PMS1: variants seen among roughly 807,000 people sequenced by gnomAD.
The protein encoded by PMS1 is PMS1 homolog 1, mismatch repair system component.
Under a neutral mutation model 93.1 loss-of-function variants are expected in PMS1, and 79 were observed. The ratio of observed to expected loss-of-function variants is 0.85; its 90% CI spans 0.71 to 1.02. The LOEUF is 1.02. Ranked by LOEUF, PMS1 falls within the 50% of genes least tolerant of loss-of-function variation. The probability of loss-of-function intolerance (pLI) is 0.00; values close to 1 mark genes in which losing one functional copy is unlikely to be tolerated. For missense variants in PMS1, 1,064 were observed against 1,085.3 expected (o/e 0.98, Z 0.28); for synonymous variants, 335 against 363.4 (o/e 0.92, Z 0.89).
intron 5 of PMS1, among the ~76,000 whole-genome samples, chr2:189,827,944 G>A (rs1197071233): frequency 6.9e-6 from 1 of 145,080 alleles, no homozygotes; most frequent in African/African-American, 2.7e-5. Flanking sequence ...GTTTGTTTGA[G>A]ACAGAGTCTT....
intron 9 of PMS1, chr2:189,855,846 C>A: frequency 9.3e-7 from 1 of 1,080,664 alleles, no homozygotes; most frequent in South Asian, 1.9e-5. Context: ...AATATAAACA[C>A]AAAATATTAT....
At chr2:189,787,081 T>TGA (rs2048417515) in intron 1 of PMS1, among the ~76,000 whole-genome samples, 2 of 152,082 alleles carry the variant, frequency 1.3e-5, no homozygotes, top group African/African-American at 4.8e-5. Context: ...AAGAGAAAGA[T>TGA]TCTCTGATCA....
chr2:189,861,095 CCTGTTTT>C (rs1033474039), intron 9 of PMS1, among the ~76,000 whole-genome samples: 1 of 151,698 alleles, frequency 6.6e-6, no homozygotes, highest in Non-Finnish European at 1.5e-5. Context: ...CTGCCATTTT[CCTGTTTT>C]CTGTTTGTCC....
intron 5 of PMS1, among the ~76,000 whole-genome samples, chr2:189,819,359 G>A (rs973304141): frequency 2.0e-5 from 3 of 152,092 alleles, no homozygotes; most frequent in African/African-American, 4.8e-5. Flanking sequence ...GAGCACAGGC[G>A]TCCTTCTGGT....
At chr2:189,862,078 C>A (rs1223929488) in intron 9 of PMS1, among the ~76,000 whole-genome samples, 1 of 152,024 alleles carries the variant, frequency 6.6e-6, no homozygotes, top group East Asian at 1.9e-4. Flanking sequence ...TATTTTCTTT[C>A]CCAGTTTTCC....
chr2:189,849,300 G>A (rs2054502646), intron 6 of PMS1, among the ~76,000 whole-genome samples: 2 of 152,046 alleles, frequency 1.3e-5, no homozygotes, highest in African/African-American at 4.8e-5. Context: ...TTTATGCTAA[G>A]TTCTGAATAA....
In PMS1 at chr2:189,855,195, T is replaced by C. The variant is rs567645782; in HGVS notation, c.1856+67T>C. Reference sequence around the variant, plus strand: ...TTTCCATTCTATATGACTCACTGTTTAAAAAGAATTTTTTTCACTTCTTAT... The same window carrying C: ...TTTCCATTCTATATGACTCACTGTTCAAAAAGAATTTTTTTCACTTCTTAT... On this transcript the variant is annotated intron_variant, in intron 9 of 12. Coordinates refer to ENST00000441310, the MANE Select transcript of PMS1 (RefSeq NM_000534.5). 1.3e-5 allele frequency: 17 copies of C among 1,351,394 alleles called. No homozygotes were observed. The South Asian group carries it at 2.0e-4, about 16-fold the overall frequency. The allele number at this position is 1,351,394 out of a possible 1,614,324, so 83.7% of individuals were successfully genotyped here.
At chr2:189,825,786 C>G (rs1025009659) in intron 5 of PMS1, among the ~76,000 whole-genome samples, 3 of 152,186 alleles carry the variant, frequency 2.0e-5, no homozygotes, top group Non-Finnish European at 4.4e-5. Flanking sequence ...CCTATTCCCA[C>G]TTCTATATCA....
intron 9 of PMS1, among the ~76,000 whole-genome samples, chr2:189,862,368 T>C (rs896551259): frequency 1.3e-5 from 2 of 152,168 alleles, no homozygotes; most frequent in Admixed American, 1.3e-4. Context: ...GATTCCCCCT[T>C]CTATTTTCTC....
intron 5 of PMS1, among the ~76,000 whole-genome samples, chr2:189,819,578 C>T (rs906305562): frequency 6.6e-6 from 1 of 152,270 alleles, no homozygotes; most frequent in South Asian, 2.1e-4. Flanking sequence ...GCCATTCTGA[C>T]TAAGGCAAGA....
chr2:189,859,894 G>A lies in PMS1; in HGVS notation c.1857-3849G>A, dbSNP rs548108845. 5.5e-4 allele frequency among the ~76,000 whole-genome samples: 83 copies of A among 152,162 alleles called. 1 individual carries two copies. Among genetic ancestry groups the A allele is most frequent in the Non-Finnish European group, 8.7e-4 (59 of 68,016 alleles). ...TATTGTAGTGACTATAATTTCACTA[G>A]CAGTTACCAAATGAAGTATTATATA... On this transcript the variant is annotated intron_variant, in intron 9 of 12. Coordinates refer to ENST00000441310, the MANE Select transcript of PMS1 (RefSeq NM_000534.5).
chr2:189,814,210 C>A (rs1255823381), intron 4 of PMS1, among the ~76,000 whole-genome samples: 1 of 151,716 alleles, frequency 6.6e-6, no homozygotes, highest in Admixed American at 6.6e-5. Context: ...GTGTTCTCAC[C>A]ATGTTAGAAC....
chr2:189,825,685 C>A (rs1452902729), intron 5 of PMS1, among the ~76,000 whole-genome samples: 1 of 152,140 alleles, frequency 6.6e-6, no homozygotes, highest in Non-Finnish European at 1.5e-5. Flanking sequence ...TAGAGGCCCA[C>A]TGGTATTGCA....
chr2:189,831,981 T>G (rs1319215247), intron 5 of PMS1, among the ~76,000 whole-genome samples: 2 of 152,104 alleles, frequency 1.3e-5, no homozygotes, highest in South Asian at 4.1e-4. Context: ...TCCTCCCGCC[T>G]CGGCCTCCCA....
chr2:189,862,388 AT>A (rs1427924283), intron 9 of PMS1, among the ~76,000 whole-genome samples: 27 of 152,096 alleles, frequency 1.8e-4, no homozygotes, highest in African/African-American at 6.3e-4. Flanking sequence ...CATTATGATA[AT>A]CTTTTAAGAC....
intron 9 of PMS1, among the ~76,000 whole-genome samples, chr2:189,856,947 A>G (rs1295827544): frequency 2.0e-5 from 3 of 152,116 alleles, no homozygotes; most frequent in Non-Finnish European, 2.9e-5. Context: ...TCTGGAATCA[A>G]GCTTACTTTC....
intron 5 of PMS1, among the ~76,000 whole-genome samples, chr2:189,835,906 C>CAAAAAAAA: frequency 1.1e-5 from 1 of 87,014 alleles, no homozygotes; most frequent in Admixed American, 1.2e-4. Flanking sequence ...TAGCCTGTCT[C>CAAAAAAAA]AAAAAAAAAA....
chr2:189,795,872 A>C lies in PMS1; in HGVS notation c.236A>C (p.Asn79Thr). The C allele has an allele frequency of 6.2e-7, 1 of 1,613,572 alleles. No homozygotes were observed. The highest frequency in any genetic ancestry group is 8.5e-7 in the Non-Finnish European group (1 of 1,179,494). Residue 79 changes from asparagine (N) to threonine (T), a missense_variant, in exon 3 of 13, where the codon AAT becomes ACT. Coordinates refer to ENST00000441310, the MANE Select transcript of PMS1 (RefSeq NM_000534.5). ...MAMKYYTSKI[N>T]SHEDLENLTT... ...ATGAAGTACTACACCTCAAAAATAA[A>C]TAGTCATGAAGATCTTGAAAATTTG... is the stretch of plus-strand genomic sequence containing the variant.
In PMS1 at chr2:189,874,523, C is replaced by T. The variant is rs5743191; in HGVS notation, c.2634+867C>T. Among the ~76,000 whole-genome samples, 1,487 of 152,206 alleles carry T rather than the reference C, an allele frequency of 9.8e-3. 19 individuals carry two copies. Among genetic ancestry groups the T allele is most frequent in the African/African-American group, 0.034 (1,403 of 41,520 alleles). On this transcript the variant is annotated intron_variant, in intron 12 of 12. Transcript: ENST00000441310. ...AAAATATAAGATAGTAGCAGGAAAA[C>T]AATAGTGTTTCCATCTATATATCTT...
Sources: allele counts gnomAD v4.1 joint callset (sites outside exome capture counted in the v4.1 genomes callset), GRCh38; gene constraint gnomAD v4.1.1; transcripts MANE v1.5; gene names NCBI Gene and HGNC (gene_info 2026-07-23, HGNC 2026-07-21).